The following COL5A3 variants were observed in gnomAD, a reference collection of about 807,000 sequenced individuals.
COL5A3 encodes collagen type V alpha 3 chain, also known as collagen alpha-3(V) chain.
COL5A3 carries 172 observed loss-of-function variants against 250.0 expected under a neutral mutation model. The observed-to-expected ratio is 0.69, with a 90% CI of 0.61 to 0.78. The LOEUF is 0.78. Ranked by LOEUF, COL5A3 falls within the 30% of genes least tolerant of loss-of-function variation. The pLI is 0.00. For synonymous variants in COL5A3, 937 were observed against 900.4 expected (o/e 1.04, Z -0.73); for missense variants, 2,340 against 2,334.4 (o/e 1.00, Z -0.05).
At chr19:9,977,198 C>A (rs751570944) in intron 44 of COL5A3, 31 bp downstream of exon 44, 6 of 1,609,312 alleles carry the variant, frequency 3.7e-6, no homozygotes, top group South Asian at 2.2e-5. Flanking sequence ...GCTACCCACC[C>A]CACCCTGCCC....
In COL5A3 at chr19:9,973,773, C is replaced by T. The variant is rs769608619; in HGVS notation, c.3595G>A (p.Gly1199Ser). ...TCACTCACCTTCTCACCCACGGCGC[C>T]TGGCTGACCAACTCCTCCAGGCAGC... ...PGLPGGVGQPGAVGEKGERGD... is the reference protein window; with the variant it reads ...PGLPGGVGQPSAVGEKGERGD... The change falls in exon 49 of 67, where the codon GGC becomes AGC. Residue 1199 changes from glycine (G) to serine (S), a missense_variant. Gly to Ser is a moderately conservative substitution (Grantham distance 56). This residue lies in a region of COL5A3 where 1,179 missense variants were observed against 1,162.6 expected (regional missense o/e 1.01). Transcript: ENST00000264828. 1 of 1,614,054 alleles carries T rather than the reference C, an allele frequency of 6.2e-7. No individual in the cohort carries two copies. The highest frequency in any genetic ancestry group is 8.5e-7 in the Non-Finnish European group (1 of 1,179,982).
intron 21 of COL5A3, among the ~76,000 whole-genome samples, 154 bp from the exon 22 acceptor site, chr19:9,992,202 C>T (rs1010369517): frequency 4.0e-5 from 6 of 151,222 alleles, no homozygotes; most frequent in African/African-American, 1.5e-4. Context: ...GCAGGTGGAT[C>T]ACCTGAGGTC....
Position 9,986,552 on chromosome 19 carries a change from C to T in COL5A3, c.2244+1G>A, listed in dbSNP as rs768158372. On this transcript the variant is annotated splice_donor_variant, in intron 29 of 66. Transcript: ENST00000264828. LOFTEE classifies it high-confidence loss of function. Reference sequence around the variant, plus strand: ...CACCCCTCATCTGGAGCTGGTCTTACCTGATCACCTTTGAGCCCCACATCG... The same window carrying T: ...CACCCCTCATCTGGAGCTGGTCTTATCTGATCACCTTTGAGCCCCACATCG... The T allele has an allele frequency of 6.2e-7, 1 of 1,613,870 alleles. No individual in the cohort carries two copies.
intron 10 of COL5A3, 68 bp from the exon 11 acceptor site, chr19:9,997,501 C>T: frequency 9.8e-7 from 1 of 1,025,634 alleles, no homozygotes; most frequent in Non-Finnish European, 1.5e-6. Context: ...TTTCAACCTA[C>T]CACTGACTCT....
intron 31 of COL5A3, among the ~76,000 whole-genome samples, chr19:9,983,862 A>T (rs2087057184): frequency 6.6e-6 from 1 of 151,698 alleles, no homozygotes; most frequent in South Asian, 2.1e-4. Flanking sequence ...AAGAAAAAAA[A>T]ATCTAAGTTA....
Position 9,967,241 on chromosome 19 carries a change from C to T in COL5A3, c.4458+106G>A. On this transcript the variant is annotated intron_variant, in intron 62 of 66. Coordinates refer to ENST00000264828, the MANE Select transcript of COL5A3 (RefSeq NM_015719.4). ...CATCCTCTGAACACCTAGTGTGTGC[C>T]TGGCCCAGTGCTGCGCACGGAAGGA... The T allele has an allele frequency of 7.8e-6, 6 of 766,710 alleles. No individual in the cohort carries two copies. In the South Asian group the frequency reaches 1.7e-4, roughly 21 times the overall value. 47.5% of individuals were successfully genotyped at this position (766,710 alleles called of 1,614,324 possible).
At chr19:9,978,731 G>GAC in intron 40 of COL5A3, 104 bp from the exon 41 acceptor site, 1 of 950,736 alleles carries the variant, frequency 1.1e-6, no homozygotes, top group Non-Finnish European at 1.5e-6. Flanking sequence ...CCTGGGACTG[G>GAC]ACACTGAGCT....
At chr19:9,988,833 C>CAAAAAAAAA (rs67181648) in intron 27 of COL5A3, among the ~76,000 whole-genome samples, 10 of 39,408 alleles carry the variant, frequency 2.5e-4, no homozygotes, top group East Asian at 1.1e-3. Context: ...GACTCTGTCT[C>CAAAAAAAAA]AAAAAAAAAA....
At chr19:9,986,174 T>C (rs2087097012) in intron 30 of COL5A3, 141 bp downstream of exon 30, 2 of 648,862 alleles carry the variant, frequency 3.1e-6, no homozygotes, top group Non-Finnish European at 5.3e-6. Context: ...AATTGCTCTG[T>C]AATGCTGAGC....
At chr19:9,997,526 C>A in intron 10 of COL5A3, 93 bp from the exon 11 acceptor site, 1 of 757,040 alleles carries the variant, frequency 1.3e-6, no homozygotes, top group South Asian at 1.8e-5. Flanking sequence ...TCAGGCTGAC[C>A]TCCCTACCCC....
At position 9,974,006 on chromosome 19, in the gene COL5A3, C is replaced by T. The variant is rs766720423; in HGVS notation, c.3505-34G>A. On this transcript the variant is annotated intron_variant, in intron 47 of 66. Transcript: ENST00000264828. ...GGTCAGAATTAGTACCCAGTGACCC[C>T]AGGCCCCTCTCCCCAAAAGGCCACA... is the stretch of plus-strand genomic sequence containing the variant. 6 of 1,527,254 alleles carry T rather than the reference C, an allele frequency of 3.9e-6. No homozygotes were observed. In the East Asian group the frequency reaches 1.4e-4, roughly 35 times the overall value. The allele number at this position is 1,527,254 out of a possible 1,614,324, so 94.6% of individuals were successfully genotyped here. A position where few individuals can be genotyped will look rare whatever the true frequency, so the allele number is the denominator to read the frequency against.
chr19:9,986,742 C>G lies in COL5A3; in HGVS notation c.2162G>C (p.Arg721Pro). 6.2e-7 allele frequency: 1 copy of G among 1,611,412 alleles called. No homozygotes were observed. Among genetic ancestry groups the G allele is most frequent in the Non-Finnish European group, 8.5e-7 (1 of 1,179,692 alleles). Residue 721 changes from arginine to proline, a missense_variant, in exon 28 of 67, where the codon CGG (arginine) becomes CCG (proline). By Grantham distance (103) the Arg-to-Pro change is moderately radical. Coordinates refer to ENST00000264828, the MANE Select transcript of COL5A3 (RefSeq NM_015719.4). ...CTCGCCTTTCTCCCCCTGGAGGCCC[C>G]GGTTGCCTGAAGTGCCCTGGAAAAT... is the stretch of plus-strand genomic sequence containing the variant. ...PRGVKGTSGNRGLQGEKGEKG... is the reference protein window; with the variant it reads ...PRGVKGTSGNPGLQGEKGEKG...
chr19:9,968,173 C>A lies in COL5A3; in HGVS notation c.4315-94G>T. ...GCCTTCAATCCTACCAAAGGAAGAC[C>A]CCGAACCCTAGACAAGCCTCCAGTT... On this transcript the variant is annotated intron_variant, in intron 59 of 66. Coordinates refer to ENST00000264828, the MANE Select transcript of COL5A3 (RefSeq NM_015719.4). This position sits in a 1 kb window ranked among gnomAD's most constrained non-coding sequence, Gnocchi z 4.1. The A allele has an allele frequency of 1.5e-6, 2 of 1,293,824 alleles. No individual in the cohort carries two copies. Among genetic ancestry groups the A allele is most frequent in the Non-Finnish European group, 2.2e-6 (2 of 927,558 alleles). The allele number at this position is 1,293,824 out of a possible 1,614,324, so 80.1% of individuals were successfully genotyped here. A position where few individuals can be genotyped will look rare whatever the true frequency, so the allele number is the denominator to read the frequency against.
At chr19:10,001,997 T>G in intron 6 of COL5A3, 116 bp from the exon 7 acceptor site, 1 of 702,432 alleles carries the variant, frequency 1.4e-6, no homozygotes, top group South Asian at 1.8e-5. Flanking sequence ...CAGAGGAGGC[T>G]CCCCAAAGAG....
At chr19:9,965,618 G>A (rs1481485974) in intron 64 of COL5A3, among the ~76,000 whole-genome samples, 3 of 151,470 alleles carry the variant, frequency 2.0e-5, no homozygotes, top group Admixed American at 6.6e-5. Context: ...ACGCTCAGCT[G>A]ATTTTTTTAT....
Position 9,980,702 on chromosome 19 carries a change from A to C in COL5A3, c.2560-10T>G. 6.2e-7 allele frequency: 1 copy of C among 1,614,034 alleles called. No homozygotes were observed. Among genetic ancestry groups the C allele is most frequent in the Non-Finnish European group, 8.5e-7 (1 of 1,179,988 alleles). ...CCTGGCCCACATCGCCCTAGGACAG[A>C]GTGAATGAGACTCAGGCCCCAGAAC... On this transcript the variant is annotated splice_polypyrimidine_tract_variant and intron_variant, in intron 34 of 66. Coordinates refer to ENST00000264828, the MANE Select transcript of COL5A3 (RefSeq NM_015719.4).
At chr19:10,005,774 C>T (rs781323842) in intron 3 of COL5A3, 22 bp downstream of exon 3, 34 of 1,601,844 alleles carry the variant, frequency 2.1e-5, no homozygotes, top group African/African-American at 1.6e-4. Context: ...CACGGACCCC[C>T]GCCCACTCTC....
chr19:9,984,087 G>A (rs1490681681), intron 31 of COL5A3, among the ~76,000 whole-genome samples: 4 of 151,638 alleles, frequency 2.6e-5, no homozygotes, highest in Admixed American at 6.6e-5. Flanking sequence ...TAAGTGGCAC[G>A]ATCTCAGCTC....
At position 9,977,659 on chromosome 19, in the gene COL5A3, T is replaced by G. The variant is rs773958679; in HGVS notation, c.3061A>C (p.Ile1021Leu). 9.3e-6 allele frequency: 15 copies of G among 1,608,084 alleles called. No homozygotes were observed. Among genetic ancestry groups the G allele is most frequent in the Non-Finnish European group, 1.2e-5 (14 of 1,177,056 alleles). The change falls in exon 42 of 67, where the codon ATT (isoleucine) becomes CTT (leucine). Residue 1021 changes from isoleucine to leucine, a missense_variant. Ile to Leu is a conservative substitution (Grantham distance 5). Transcript: ENST00000264828. ...CTGCCACTTTGGCCAGGAAGTCCAA[T>G]GCCTCCTGCTGGGCCCAAAGGACCG... The part of the protein sequence containing the change: ...ERGPLGPAGG[I>L]GLPGQSGSEG...
Sources: gnomAD v4.1 joint callset for allele counts (sites outside exome capture counted in the v4.1 genomes callset) on GRCh38, gnomAD v4.1.1 for gene constraint, gnomAD v4.1.1 regional missense constraint, Gnocchi (gnomAD v3.1) non-coding constraint, MANE v1.5 for transcripts, NCBI Gene and HGNC (gene_info 2026-07-23, HGNC 2026-07-21) for gene names.